The following UNC79 variants were observed in gnomAD, a reference collection of about 807,000 sequenced individuals.
UNC79 encodes unc-79 subunit of NALCN channel complex, also known as protein unc-79 homolog.
In UNC79, 37 loss-of-function variants were observed where a neutral mutation model predicts 283.1. That is an observed-to-expected ratio of 0.13 (90% CI 0.10 to 0.17). UNC79 has a LOEUF of 0.17. Among genes scored for constraint, UNC79 ranks in the 10% least tolerant of loss-of-function variants. UNC79 has a pLI of 1.00. For synonymous variants in UNC79, 1,107 were observed against 1,200.2 expected, an observed-to-expected ratio of 0.92 and a Z score of 1.61; for missense variants, 2,272 against 3,211.1, an observed-to-expected ratio of 0.71 and a Z score of 7.07.
intron 1 of UNC79, among the ~76,000 whole-genome samples, chr14:93,386,149 T>C (rs1365681491): frequency 6.6e-6 from 1 of 152,212 alleles, no homozygotes; most frequent in East Asian, 1.9e-4. Context: ...ATGTTCCTTC[T>C]ATACCCAGTT....
chr14:93,431,511 C>A (rs2140093862), intron 1 of UNC79, among the ~76,000 whole-genome samples: 1 of 151,986 alleles, frequency 6.6e-6, no homozygotes, highest in Non-Finnish European at 1.5e-5. Flanking sequence ...GAGTTTGAGT[C>A]TGCAGTTTCC....
chr14:93,348,950 T>C (rs574355496), intron 1 of UNC79, among the ~76,000 whole-genome samples: 1 of 152,254 alleles, frequency 6.6e-6, no homozygotes, highest in Non-Finnish European at 1.5e-5. Flanking sequence ...CCTTCCGCAC[T>C]GTGGAAGCTT....
Position 93,528,545 on chromosome 14 carries a change from T to C in UNC79, c.964-13T>C, listed in dbSNP as rs2060649066. 5 of 1,612,062 alleles carry C rather than the reference T, an allele frequency of 3.1e-6. No individual in the cohort carries two copies. In the East Asian group the frequency reaches 1.1e-4, roughly 36 times the overall value. ...GAACAGGAGAGTTCATTCTGTCTTT[T>C]CATATGTTTCAGATGTGTATAGACC... On this transcript the variant is annotated splice_polypyrimidine_tract_variant and intron_variant, in intron 8 of 48. Coordinates refer to ENST00000555664, the Ensembl canonical transcript of UNC79.
intron 1 of UNC79, among the ~76,000 whole-genome samples, chr14:93,404,330 A>T (rs996710210): frequency 6.8e-6 from 1 of 147,766 alleles, no homozygotes; most frequent in African/African-American, 2.5e-5. Flanking sequence ...ACAAAAATAA[A>T]AAAAAAAAAA....
intron 1 of UNC79, among the ~76,000 whole-genome samples, chr14:93,357,677 A>ATATATT (rs1491516489): frequency 1.3e-4 from 2 of 14,896 alleles, no homozygotes; most frequent in Non-Finnish European, 2.7e-4. Context: ...ATAAACTCCC[A>ATATATT]TATATATATA....
intron 14 of UNC79, among the ~76,000 whole-genome samples, chr14:93,553,757 C>A (rs2062015290): frequency 6.6e-6 from 1 of 152,140 alleles, no homozygotes; most frequent in Admixed American, 6.5e-5. Context: ...AAGCTAAACA[C>A]CATTTTAAAT....
At chr14:93,653,332 T>C (rs1487202212) in intron 35 of UNC79, among the ~76,000 whole-genome samples, 1 of 150,754 alleles carries the variant, frequency 6.6e-6, no homozygotes, top group Non-Finnish European at 1.5e-5. Flanking sequence ...CATATATATA[T>C]ATATATATGA....
At chr14:93,489,680 G>A (rs759054012) in intron 5 of UNC79, among the ~76,000 whole-genome samples, 2 of 152,232 alleles carry the variant, frequency 1.3e-5, no homozygotes, top group African/African-American at 2.4e-5. Context: ...AAACCCATTG[G>A]GGTAAGAGTT....
rs953483161 is a variant in UNC79, at chr14:93,474,428, T to C, written c.448+35T>C. The stretch of plus-strand genomic sequence containing the variant: ...TAGCTGAAACCTTTGGAAATGTACG[T>C]GGATGCTTATGAATGTATATGATGC... On this transcript the variant is annotated intron_variant, in intron 3 of 48. Coordinates refer to ENST00000555664, the Ensembl canonical transcript of UNC79. The surrounding 1 kb of genome is among the most constrained non-coding windows in gnomAD (Gnocchi z 4.1). 2.0e-6 allele frequency: 3 copies of C among 1,517,466 alleles called. No individual in the cohort carries two copies. In the African/African-American group the frequency reaches 4.1e-5, roughly 21 times the overall value. 94.0% of individuals were successfully genotyped at this position (1,517,466 alleles called of 1,614,324 possible).
intron 1 of UNC79, among the ~76,000 whole-genome samples, chr14:93,436,391 A>T (rs544865542): frequency 6.6e-6 from 1 of 152,296 alleles, no homozygotes; most frequent in East Asian, 1.9e-4. Flanking sequence ...TGTGGTTTTG[A>T]TTCTGTCCGA....
At chr14:93,426,726 A>G (rs771620024), upstream of UNC79, among the ~76,000 whole-genome samples, 1 of 150,566 alleles carries the variant, frequency 6.6e-6, no homozygotes, top group Non-Finnish European at 1.5e-5. Context: ...TTAAAAATAT[A>G]GTCTCAATTT....
chr14:93,433,042 T>C (rs1210204386), intron 1 of UNC79, among the ~76,000 whole-genome samples: 1 of 152,220 alleles, frequency 6.6e-6, no homozygotes, highest in East Asian at 1.9e-4. Context: ...AACAGATTTT[T>C]TTCATCTGTA....
chr14:93,339,246 A>G (rs2053647485), intron 1 of UNC79, among the ~76,000 whole-genome samples: 1 of 152,142 alleles, frequency 6.6e-6, no homozygotes, highest in South Asian at 2.1e-4. Context: ...CCCTCACCAG[A>G]TGACTCAAAG....
At chr14:93,563,382 G>A (rs2062679707) in intron 14 of UNC79, among the ~76,000 whole-genome samples, 1 of 152,178 alleles carries the variant, frequency 6.6e-6, no homozygotes, top group East Asian at 1.9e-4. Flanking sequence ...TTTTTATTAA[G>A]GAGACACTAA....
chr14:93,360,055 T>G (rs971521402), intron 1 of UNC79, among the ~76,000 whole-genome samples: 2 of 152,154 alleles, frequency 1.3e-5, no homozygotes, highest in African/African-American at 4.8e-5. Flanking sequence ...GTAAGGTAAT[T>G]AATGGAGTGT....
intron 18 of UNC79, among the ~76,000 whole-genome samples, chr14:93,579,178 G>A (rs1385890899): frequency 2.0e-5 from 3 of 152,168 alleles, no homozygotes; most frequent in Non-Finnish European, 2.9e-5. Context: ...CATCATGTCA[G>A]CAGGCGTAAG....
At chr14:93,372,453 G>A (rs1335728361) in intron 1 of UNC79, among the ~76,000 whole-genome samples, 4 of 152,176 alleles carry the variant, frequency 2.6e-5, no homozygotes, top group African/African-American at 7.2e-5. Context: ...ATAAAGACAC[G>A]TATAGTTTAA....
chr14:93,468,043 G>A (rs1418745833), intron 2 of UNC79, among the ~76,000 whole-genome samples: 3 of 152,006 alleles, frequency 2.0e-5, no homozygotes, highest in Non-Finnish European at 4.4e-5. Context: ...TCTTTAAAAT[G>A]ATACAGTTCT....
At chr14:93,672,580 G>T (rs2072977917) in intron 40 of UNC79, among the ~76,000 whole-genome samples, 1 of 152,120 alleles carries the variant, frequency 6.6e-6, no homozygotes, top group Non-Finnish European at 1.5e-5. Flanking sequence ...TAGAAGAAAT[G>T]AGTTCTAATG....
Sources: allele counts gnomAD v4.1 joint callset (sites outside exome capture counted in the v4.1 genomes callset), GRCh38; gene constraint gnomAD v4.1.1; non-coding constraint Gnocchi (gnomAD v3.1); transcripts MANE v1.5; gene names NCBI Gene and HGNC (gene_info 2026-07-23, HGNC 2026-07-21).